The following RPS6KB2 variants were observed in gnomAD, a reference collection of about 807,000 sequenced individuals.
RPS6KB2 encodes ribosomal protein S6 kinase beta-2.
A neutral mutation model predicts 58.2 loss-of-function variants in RPS6KB2; 51 were observed. The ratio of observed to expected loss-of-function variants is 0.88; its 90% CI spans 0.70 to 1.11. The LOEUF (loss-of-function observed/expected upper bound fraction) is 1.11, where lower values mean the gene tolerates loss of function less well. RPS6KB2 is among the 50% of genes least tolerant of loss of function. The pLI is 0.00. For missense variants in RPS6KB2, 671 were observed against 655.8 expected (o/e 1.02, Z -0.25); for synonymous variants, 293 against 258.6 (o/e 1.13, Z -1.28).
At position 67,434,662 on chromosome 11, in the gene RPS6KB2, G is replaced by A. The variant is rs529912361; in HGVS notation, c.1236G>A (p.Arg412=). 3.1e-6 allele frequency: 5 copies of A among 1,610,512 alleles called. No individual in the cohort carries two copies. In the East Asian group the frequency reaches 6.7e-5, roughly 22 times the overall value. ...TCCAGCCCAAGCTGCGCTCACCCAG[G>A]CGCCTCAACAGTAGCCCCCGGGCCC... ...FSFQPKLRSP[R]RLNSSPRAPV... Residue 412 remains arginine, a synonymous_variant, in exon 14 of 15, where the codon AGG becomes AGA. Coordinates refer to ENST00000312629, the MANE Select transcript of RPS6KB2 (RefSeq NM_003952.3).
chr11:67,429,230 G>T lies in RPS6KB2; in HGVS notation c.230G>T (p.Gly77Val). Residue 77 changes from glycine to valine, a missense_variant, in exon 3 of 15, where the codon GGC (glycine) becomes GTC (valine). Transcript: ENST00000312629. ...FELLRVLGKG[G>V]YGKVFQVRKV... is the part of the protein sequence containing the mutation. ...CTGCTGCGTGTGCTGGGCAAGGGGG[G>T]CTATGGCAAGGTAGGGGCGGGCGCA... The T allele has an allele frequency of 1.2e-6, 2 of 1,613,246 alleles. No homozygotes were observed. The highest frequency in any genetic ancestry group is 1.7e-4 in the Middle Eastern group (1 of 6,044).
At position 67,434,193 on chromosome 11, in the gene RPS6KB2, T is replaced by C; in HGVS notation, c.970-5T>C. Reference sequence around the variant, plus strand: ...TAGTGGGTTTGGTGCATTCTCTACCTACAGAGACATCCCTTTTTCCGGCAC... The same window carrying C: ...TAGTGGGTTTGGTGCATTCTCTACCCACAGAGACATCCCTTTTTCCGGCAC... On this transcript the variant is annotated splice_polypyrimidine_tract_variant and splice_region_variant and intron_variant, in intron 11 of 14. Coordinates refer to ENST00000312629, the MANE Select transcript of RPS6KB2 (RefSeq NM_003952.3). 1 of 1,614,050 alleles carries C rather than the reference T, an allele frequency of 6.2e-7. No individual in the cohort carries two copies. Among genetic ancestry groups the C allele is most frequent in the Non-Finnish European group, 8.5e-7 (1 of 1,179,998 alleles).
chr11:67,431,723 C>T, intron 5 of RPS6KB2: 1 of 551,012 alleles, frequency 1.8e-6, no homozygotes, highest in East Asian at 3.1e-5. Context: ...CCTACTGTGT[C>T]CCTCACGTGT....
rs763667411 is a variant in RPS6KB2, at chr11:67,433,160, C to T, written c.742C>T (p.Arg248Trp). 3.1e-6 allele frequency: 5 copies of T among 1,605,002 alleles called. No individual in the cohort carries two copies. Among genetic ancestry groups the T allele is most frequent in the Non-Finnish European group, 4.2e-6 (5 of 1,177,112 alleles). Residue 248 changes from arginine to tryptophan, a missense_variant, in exon 9 of 15, where the codon CGG becomes TGG. Physicochemically the swap from Arg to Trp is moderately radical, Grantham distance 101 (BLOSUM62 -3). Transcript: ENST00000312629. ...PEILVRSGHN[R>W]AVDWWSLGAL... ...GATTCTGGTGCGCAGTGGCCACAAC[C>T]GGGCTGTGGACTGGTGGAGCCTGGG...
chr11:67,428,964 C>A lies in RPS6KB2; in HGVS notation c.79-18C>A, dbSNP rs764010513. 1.9e-6 allele frequency: 3 copies of A among 1,613,968 alleles called. No homozygotes were observed. In the African/African-American group the frequency reaches 4.0e-5, roughly 22 times the overall value. On this transcript the variant is annotated intron_variant, in intron 1 of 14. Coordinates refer to ENST00000312629, the MANE Select transcript of RPS6KB2 (RefSeq NM_003952.3). ...ATCCTGGCACCTTCCTTGGCTCTTACCCCTCGGTTTCTCACAGGACGCATG... is the reference window on the plus strand; with the variant it reads ...ATCCTGGCACCTTCCTTGGCTCTTAACCCTCGGTTTCTCACAGGACGCATG...
chr11:67,430,153 T>G (rs1863975814), intron 4 of RPS6KB2: 1 of 154,052 alleles, frequency 6.5e-6, no homozygotes, highest in Admixed American at 6.5e-5. Flanking sequence ...TTCCCCAGAC[T>G]GGAGTGCAGT....
At chr11:67,434,867 A>T in intron 14 of RPS6KB2, 122 bp from the exon 15 acceptor site, 1 of 1,075,042 alleles carries the variant, frequency 9.3e-7, no homozygotes, top group South Asian at 1.4e-5. Context: ...CCTGGATGGG[A>T]GTTTGTGGAG....
Position 67,435,103 on chromosome 11 carries a change from T to G in RPS6KB2, c.1383T>G (p.Pro461=), listed in dbSNP as rs1221220489. Residue 461 remains proline, a synonymous_variant, in exon 15 of 15, where the codon CCT becomes CCG. Coordinates refer to ENST00000312629, the MANE Select transcript of RPS6KB2 (RefSeq NM_003952.3). ...CGCCGCCGCCCTCGACCACCGCCCC[T>G]CTCCCCATCCGTCCCCCCTCAGGGA... ...LPPPPPSTTA[P]LPIRPPSGTK... The G allele has an allele frequency of 1.9e-6, 3 of 1,607,928 alleles. No homozygotes were observed. Among genetic ancestry groups the G allele is most frequent in the Non-Finnish European group, 2.5e-6 (3 of 1,179,008 alleles).
intron 1 of RPS6KB2, 149 bp downstream of exon 1, chr11:67,428,772 T>A (rs969578183): frequency 3.3e-5 from 30 of 907,404 alleles, no homozygotes; most frequent in Non-Finnish European, 4.5e-5. Context: ...TAAGTTCTGA[T>A]CCCACCCTCA....
rs187592167 is a variant in RPS6KB2 at position 67,432,813 on chromosome 11, G to A, written c.592G>A (p.Glu198Lys). Reference sequence around the variant, plus strand: ...CATCATCTACCGGGACCTCAAGCCCGAGAACATCATGCTCAGCAGCCAGGG... The same window carrying A: ...CATCATCTACCGGGACCTCAAGCCCAAGAACATCATGCTCAGCAGCCAGGG... ...QGIIYRDLKP[E>K]NIMLSSQGHI... Residue 198 changes from glutamate to lysine, a missense_variant, in exon 7 of 15, where the codon GAG becomes AAG. By Grantham distance (56) the Glu-to-Lys change is moderately conservative. Coordinates refer to ENST00000312629, the MANE Select transcript of RPS6KB2 (RefSeq NM_003952.3). The A allele has an allele frequency of 2.3e-5, 37 of 1,614,014 alleles. No homozygotes were observed. The Admixed American group carries it at 4.8e-4, about 21-fold the overall frequency.
chr11:67,431,708 C>T, intron 5 of RPS6KB2, 193 bp downstream of exon 5: 1 of 581,840 alleles, frequency 1.7e-6, no homozygotes, highest in South Asian at 2.0e-5. Flanking sequence ...AACGTCTGTC[C>T]AGCACCTACT....
At position 67,433,193 on chromosome 11, in the gene RPS6KB2, A is replaced by T. The variant is rs371587478; in HGVS notation, c.775A>T (p.Met259Leu). The change falls in exon 9 of 15, where the codon ATG (methionine) becomes TTG (leucine). Residue 259 changes from methionine to leucine, a missense_variant. Physicochemically the swap from Met to Leu is conservative, Grantham distance 15 (BLOSUM62 2). Transcript: ENST00000312629. ...AVDWWSLGALMYDMLTGSPPF... is the reference protein window; with the variant it reads ...AVDWWSLGALLYDMLTGSPPF... Reference sequence around the variant, plus strand: ...GGACTGGTGGAGCCTGGGGGCCCTGATGTACGACATGCTCACTGGATCGGC... The same window carrying T: ...GGACTGGTGGAGCCTGGGGGCCCTGTTGTACGACATGCTCACTGGATCGGC... 39 of 1,605,988 alleles carry T rather than the reference A, an allele frequency of 2.4e-5. No individual in the cohort carries two copies. Among genetic ancestry groups the T allele is most frequent in the Non-Finnish European group, 3.2e-5 (38 of 1,178,540 alleles).
chr11:67,429,081 C>T (rs1403278211), intron 2 of RPS6KB2, 39 bp from the exon 3 acceptor site: 2 of 1,613,800 alleles, frequency 1.2e-6, no homozygotes, highest in Non-Finnish European at 1.7e-6. Context: ...AACTGGGGAG[C>T]ACTGGAGCCT....
intron 5 of RPS6KB2, chr11:67,432,363 G>A (rs943294847): frequency 2.3e-5 from 16 of 684,874 alleles, no homozygotes; most frequent in African/African-American, 1.8e-4. Flanking sequence ...TAGACTGAGC[G>A]TCCTGAGGGC....
In RPS6KB2 at chr11:67,434,622, A is replaced by G. The variant is rs754513487; in HGVS notation, c.1196A>G (p.Lys399Arg). Residue 399 changes from lysine (K) to arginine (R), a missense_variant, in exon 14 of 15, where the codon AAG becomes AGG. Lys to Arg is a conservative substitution (Grantham distance 26). Transcript: ENST00000312629. ...GCGCCGTCTGTCCTGGACAGCATCA[A>G]GGAGGGCTTCTCCTTCCAGCCCAAG... Reference protein sequence around the residue: ...YVAPSVLDSIKEGFSFQPKLR... With the variant: ...YVAPSVLDSIREGFSFQPKLR... The G allele has an allele frequency of 5.0e-6, 8 of 1,609,740 alleles. No homozygotes were observed. In the East Asian group the frequency reaches 1.8e-4, roughly 36 times the overall value.
chr11:67,432,164 G>A, intron 5 of RPS6KB2: 2 of 381,158 alleles, frequency 5.2e-6, no homozygotes, highest in South Asian at 4.0e-5. Flanking sequence ...CTGCCTCCAT[G>A]CTCTGCATTC....
At position 67,432,606 on chromosome 11, in the gene RPS6KB2, A is replaced by G. The variant is rs760817238; in HGVS notation, c.464A>G (p.Glu155Gly). 1 of 1,614,160 alleles carries G rather than the reference A, an allele frequency of 6.2e-7. No individual in the cohort carries two copies. The highest frequency in any genetic ancestry group is 8.5e-7 in the Non-Finnish European group (1 of 1,180,024). Residue 155 changes from glutamate to glycine, a missense_variant, in exon 6 of 15, where the codon GAG (glutamate) becomes GGG (glycine). Transcript: ENST00000312629. ...YLILECLSGG[E>G]LFTHLEREGI... is the part of the protein sequence containing the mutation. ...TGACGTGTTTGTGTGGCAGGTGGCG[A>G]GCTCTTCACGCATCTGGAGCGAGAG...
rs910106958 is a variant in RPS6KB2, at chr11:67,435,358, C to A, written c.*189C>A. 10 of 628,572 alleles carry A rather than the reference C, an allele frequency of 1.6e-5. No homozygotes were observed. Among genetic ancestry groups the A allele is most frequent in the Non-Finnish European group, 2.7e-5 (10 of 367,148 alleles). The allele number at this position is 628,572 out of a possible 1,614,324, so 38.9% of individuals were successfully genotyped here. On this transcript the variant is annotated 3_prime_UTR_variant, in exon 15 of 15. Coordinates refer to ENST00000312629, the MANE Select transcript of RPS6KB2 (RefSeq NM_003952.3). Reference sequence around the variant, plus strand: ...GGCACGGAGGGCCGCCCGCCACGCCCCGCGCTCAACTGCTCCCGTGGAAGA... The same window carrying A: ...GGCACGGAGGGCCGCCCGCCACGCCACGCGCTCAACTGCTCCCGTGGAAGA...
Position 67,435,370 on chromosome 11 carries a change from G to T in RPS6KB2, c.*201G>T, listed in dbSNP as rs1320838655. The stretch of plus-strand genomic sequence containing the variant: ...CGCCCGCCACGCCCCGCGCTCAACT[G>T]CTCCCGTGGAAGATTAAAGGGCTGA... On this transcript the variant is annotated 3_prime_UTR_variant, in exon 15 of 15. Transcript: ENST00000312629. 5 of 621,942 alleles carry T rather than the reference G, an allele frequency of 8.0e-6. No homozygotes were observed. The highest frequency in any genetic ancestry group is 1.4e-5 in the Non-Finnish European group (5 of 362,000). The allele number at this position is 621,942 out of a possible 1,614,324, so 38.5% of individuals were successfully genotyped here.
Sources: allele counts gnomAD v4.1 joint callset, GRCh38; gene constraint gnomAD v4.1.1; transcripts MANE v1.5; gene names NCBI Gene and HGNC (gene_info 2026-07-23, HGNC 2026-07-21).